NRG1: variants seen among roughly 807,000 people sequenced by gnomAD.
NRG1 encodes neuregulin 1.
Under a neutral mutation model 63.8 loss-of-function variants are expected in NRG1, and 18 were observed. The ratio of observed to expected loss-of-function variants is 0.28; its 90% CI spans 0.19 to 0.42. The LOEUF is 0.42. Ranked by LOEUF, NRG1 falls within the 10% of genes least tolerant of loss-of-function variation. NRG1 has a pLI of 1.00. For missense variants in NRG1, 762 were observed against 814.7 expected (o/e 0.94, Z 0.79); for synonymous variants, 302 against 301.3 (o/e 1.00, Z -0.02).
intron 1 of NRG1, among the ~76,000 whole-genome samples, chr8:32,135,438 G>A (rs1377040002): frequency 6.6e-6 from 1 of 152,008 alleles, no homozygotes; most frequent in African/African-American, 2.4e-5. Context: ...AGATGCATAG[G>A]AGTTTCTGAG....
rs912716546 is a variant in NRG1, at chr8:32,366,108, T to C, written c.38-229720T>C. On this transcript the variant is annotated intron_variant, in intron 1 of 10. Transcript: ENST00000519301. Reference sequence around the variant, plus strand: ...GAGTATTTCTAATTAGATTAGAATGTCAGAATACATTCATGGACATATGAG... The same window carrying C: ...GAGTATTTCTAATTAGATTAGAATGCCAGAATACATTCATGGACATATGAG... 2.2e-4 allele frequency among the ~76,000 whole-genome samples: 33 copies of C among 152,230 alleles called. 1 individual carries two copies. The highest frequency in any genetic ancestry group is 7.7e-4 in the African/African-American group (32 of 41,460).
intron 1 of NRG1, among the ~76,000 whole-genome samples, chr8:32,322,355 T>TTATATATATATATATATATA (rs149742517): frequency 1.6e-4 from 23 of 142,656 alleles, no homozygotes; most frequent in African/African-American, 6.0e-4. Context: ...CAACCTTATT[T>TTATATATATATATATATATA]TATATATATA....
At chr8:32,081,362 A>G (rs930612786) in intron 1 of NRG1, among the ~76,000 whole-genome samples, 2 of 152,058 alleles carry the variant, frequency 1.3e-5, no homozygotes, top group African/African-American at 4.8e-5. Flanking sequence ...TTCCATTCCT[A>G]TTGGCAGAGA....
At chr8:32,299,204 T>C (rs1413382628) in intron 1 of NRG1, among the ~76,000 whole-genome samples, 1 of 152,138 alleles carries the variant, frequency 6.6e-6, no homozygotes. Context: ...CTGGATGTTT[T>C]TCCAGTATGT....
chr8:31,657,883 C>G (rs1449688717), intron 1 of NRG1, among the ~76,000 whole-genome samples: 1 of 152,138 alleles, frequency 6.6e-6, no homozygotes, highest in East Asian at 1.9e-4. Context: ...AGAACCACGA[C>G]AAGGCTGGGA....
intron 1 of NRG1, among the ~76,000 whole-genome samples, chr8:32,231,095 A>C (rs1033962967): frequency 1.8e-4 from 27 of 152,278 alleles, no homozygotes; most frequent in African/African-American, 5.1e-4. Flanking sequence ...TAGGAGAAAT[A>C]GGATTTTTGA....
At chr8:32,197,935 A>G (rs1044230059) in intron 1 of NRG1, among the ~76,000 whole-genome samples, 2 of 151,930 alleles carry the variant, frequency 1.3e-5, no homozygotes, top group Non-Finnish European at 2.9e-5. Flanking sequence ...TTTCCCCTGT[A>G]CTCTAGATCA....
At chr8:31,779,456 A>AG (rs1453900368) in intron 1 of NRG1, among the ~76,000 whole-genome samples, 10 of 141,264 alleles carry the variant, frequency 7.1e-5, no homozygotes, top group African/African-American at 1.8e-4. Flanking sequence ...ACAGCCCAGA[A>AG]GGGAAAAAAA....
In NRG1 at chr8:32,431,731, C is replaced by T. The variant is rs375421725; in HGVS notation, c.38-164097C>T. ...TTGTGTATTGATAGTCTCTGTCAAT[C>T]TCTCAGGGTTTTTTTTTTCTGAGGG... On this transcript the variant is annotated intron_variant, in intron 1 of 10. Transcript: ENST00000519301. Among the ~76,000 whole-genome samples the T allele has an allele frequency of 3.0e-3, 446 of 147,828 alleles. 4 individuals are homozygous for T. Among genetic ancestry groups the T allele is most frequent in the African/African-American group, 0.01 (425 of 40,950 alleles).
chr8:32,547,380 C>T (rs996879068), upstream of NRG1, among the ~76,000 whole-genome samples: 13 of 152,160 alleles, frequency 8.5e-5, 1 homozygote, highest in African/African-American at 3.1e-4. Flanking sequence ...TATTCTACCC[C>T]TCCCTGCCTG....
chr8:31,956,602 C>T (rs182544866), intron 1 of NRG1, among the ~76,000 whole-genome samples: 83 of 151,980 alleles, frequency 5.5e-4, no homozygotes, highest in African/African-American at 1.7e-3. Context: ...CCAGTCTGGG[C>T]GATAAAGCGA....
At chr8:31,726,699 C>A (rs1241701541) in intron 1 of NRG1, among the ~76,000 whole-genome samples, 1 of 152,076 alleles carries the variant, frequency 6.6e-6, no homozygotes, top group Admixed American at 6.6e-5. Flanking sequence ...GACTGCAGAG[C>A]AGTTGCAGTA....
At chr8:32,670,527 A>G (rs767988926) in intron 5 of NRG1, among the ~76,000 whole-genome samples, 12 of 151,944 alleles carry the variant, frequency 7.9e-5, no homozygotes, top group Non-Finnish European at 1.6e-4. Context: ...ACACTCTCAC[A>G]CCTCCTCCCA....
rs538553624 is a variant in NRG1 at position 32,357,893 on chromosome 8, A to G, written c.38-237935A>G. On this transcript the variant is annotated intron_variant, in intron 1 of 10. Coordinates refer to the NRG1 transcript ENST00000519301. Reference sequence around the variant, plus strand: ...TAATAAGTACTCTGGAAGATGTGGCAGACTGCCAGTTGCCTTCCCCAGCAT... The same window carrying G: ...TAATAAGTACTCTGGAAGATGTGGCGGACTGCCAGTTGCCTTCCCCAGCAT... Among the ~76,000 whole-genome samples, 153 of 152,312 alleles carry G rather than the reference A, an allele frequency of 1.0e-3. 1 individual carries two copies. Among genetic ancestry groups the G allele is most frequent in the African/African-American group, 3.5e-3 (146 of 41,580 alleles).
chr8:32,489,076 G>T (rs1023672653), intron 1 of NRG1, among the ~76,000 whole-genome samples: 1 of 152,152 alleles, frequency 6.6e-6, no homozygotes, highest in Admixed American at 6.5e-5. Flanking sequence ...TCAAGCACAG[G>T]GATTTGACCT....
intron 1 of NRG1, among the ~76,000 whole-genome samples, chr8:32,195,088 G>A (rs1842837454): frequency 1.3e-5 from 2 of 152,004 alleles, no homozygotes; most frequent in South Asian, 4.2e-4. Flanking sequence ...TCAGACTTGG[G>A]GAGGTTACTC....
chr8:32,562,954 G>T (rs1247222296), intron 1 of NRG1, among the ~76,000 whole-genome samples: 2 of 152,122 alleles, frequency 1.3e-5, no homozygotes. Context: ...TTCAAAGTCG[G>T]CATTTTATTA....
intron 3 of NRG1, among the ~76,000 whole-genome samples, chr8:32,610,774 C>T (rs982066194): frequency 6.6e-6 from 1 of 152,164 alleles, no homozygotes; most frequent in Non-Finnish European, 1.5e-5. Context: ...CTGCTAATTA[C>T]TTCTGGGACA....
intron 1 of NRG1, among the ~76,000 whole-genome samples, chr8:32,113,554 C>T (rs2131473140): frequency 6.6e-6 from 1 of 152,308 alleles, no homozygotes; most frequent in South Asian, 2.1e-4. Flanking sequence ...CCCTATGAGG[C>T]ATTTCAGCTC....
Sources: gnomAD v4.1 joint callset for allele counts (sites outside exome capture counted in the v4.1 genomes callset) on GRCh38, gnomAD v4.1.1 for gene constraint, MANE v1.5 for transcripts, NCBI Gene and HGNC (gene_info 2026-07-23, HGNC 2026-07-21) for gene names.